RUNX2: variants seen among roughly 807,000 people sequenced by gnomAD.
RUNX2 encodes RUNX family transcription factor 2, also known as runt-related transcription factor 2.
RUNX2 carries 10 observed loss-of-function variants against 51.7 expected under a neutral mutation model. The ratio of observed to expected loss-of-function variants is 0.19; its 90% CI spans 0.12 to 0.33. RUNX2 has a LOEUF of 0.33. Among genes scored for constraint, RUNX2 ranks in the 10% least tolerant of loss-of-function variants. RUNX2 has a pLI of 1.00. For missense variants in RUNX2, 562 were observed against 691.3 expected (o/e 0.81, Z 2.10); for synonymous variants, 276 against 273.6 (o/e 1.01, Z -0.09).
At chr6:45,535,735 C>T (rs908852240) in intron 7 of RUNX2, among the ~76,000 whole-genome samples, 6 of 151,740 alleles carry the variant, frequency 4.0e-5, no homozygotes, top group Non-Finnish European at 5.9e-5. Flanking sequence ...ACTGTGAGGT[C>T]GATTTTAAAG....
At chr6:45,473,175 T>G (rs934466000) in intron 5 of RUNX2, among the ~76,000 whole-genome samples, 2 of 152,242 alleles carry the variant, frequency 1.3e-5, no homozygotes, top group African/African-American at 4.8e-5. Flanking sequence ...TATTTTCCTA[T>G]TCTCTTGATT....
At chr6:45,516,765 G>A (rs181181669) in intron 7 of RUNX2, among the ~76,000 whole-genome samples, 11 of 152,218 alleles carry the variant, frequency 7.2e-5, no homozygotes, top group Non-Finnish European at 1.0e-4. Flanking sequence ...AAGCACTTGT[G>A]AGGCTTGACA....
At chr6:45,523,861 G>A (rs551425477) in intron 7 of RUNX2, among the ~76,000 whole-genome samples, 56 of 151,998 alleles carry the variant, frequency 3.7e-4, no homozygotes, top group Non-Finnish European at 7.5e-4. Flanking sequence ...GAACCCGGGA[G>A]GCGGAGGTTG....
At chr6:45,429,740 C>T (rs1798486362) in intron 3 of RUNX2, among the ~76,000 whole-genome samples, 1 of 152,120 alleles carries the variant, frequency 6.6e-6, no homozygotes, top group East Asian at 1.9e-4. Flanking sequence ...AGTGGGTAGC[C>T]CCACAGACTT....
chr6:45,386,746 C>T (rs886731574), intron 2 of RUNX2, among the ~76,000 whole-genome samples: 2 of 152,028 alleles, frequency 1.3e-5, no homozygotes, highest in Non-Finnish European at 2.9e-5. Flanking sequence ...CAGAGGGAGC[C>T]GTATTAGCAA....
At chr6:45,477,396 G>C (rs958920268) in intron 5 of RUNX2, among the ~76,000 whole-genome samples, 1 of 152,010 alleles carries the variant, frequency 6.6e-6, no homozygotes, top group East Asian at 1.9e-4. Context: ...TTGCTTCCTG[G>C]GTGTCTGCAC....
intron 5 of RUNX2, among the ~76,000 whole-genome samples, chr6:45,454,849 C>T (rs749263698): frequency 6.6e-6 from 1 of 152,198 alleles, no homozygotes; most frequent in Non-Finnish European, 1.5e-5. Context: ...CATGCTGGCT[C>T]ATGCCTGTAA....
At chr6:45,535,015 G>A (rs1801986445) in intron 7 of RUNX2, among the ~76,000 whole-genome samples, 1 of 152,118 alleles carries the variant, frequency 6.6e-6, no homozygotes, top group Non-Finnish European at 1.5e-5. Context: ...ACCGCTGCAT[G>A]TTCTTATACG....
intron 2 of RUNX2, among the ~76,000 whole-genome samples, chr6:45,376,761 C>T (rs1563054371): frequency 6.6e-6 from 1 of 152,238 alleles, no homozygotes; most frequent in Non-Finnish European, 1.5e-5. Flanking sequence ...TTTTGTCCTT[C>T]AAGTAAATCT....
At chr6:45,478,857 A>G (rs1800031840) in intron 5 of RUNX2, among the ~76,000 whole-genome samples, 1 of 152,108 alleles carries the variant, frequency 6.6e-6, no homozygotes, top group Non-Finnish European at 1.5e-5. Flanking sequence ...GCAGTCATCA[A>G]TTCCATAGGA....
intron 2 of RUNX2, among the ~76,000 whole-genome samples, chr6:45,358,714 TAA>T (rs2150235367): frequency 6.6e-6 from 1 of 152,290 alleles, no homozygotes; most frequent in African/African-American, 2.4e-5. Context: ...TTGCAGAATA[TAA>T]AGTTTTCAGA....
At chr6:45,540,332 G>A (rs1195114363) in intron 7 of RUNX2, among the ~76,000 whole-genome samples, 1 of 152,152 alleles carries the variant, frequency 6.6e-6, no homozygotes, top group Admixed American at 6.5e-5. Flanking sequence ...GCAGTAAGTG[G>A]AAGAATTTCC....
chr6:45,546,654 A>C (rs939693639), intron 8 of RUNX2, among the ~76,000 whole-genome samples, 173 bp from the exon 9 acceptor site: 13 of 152,178 alleles, frequency 8.5e-5, no homozygotes, highest in African/African-American at 3.1e-4. Context: ...TTAAGACTGC[A>C]AAGTGGGGGA....
chr6:45,540,848 A>G (rs1291724336), intron 7 of RUNX2, among the ~76,000 whole-genome samples: 1 of 152,158 alleles, frequency 6.6e-6, no homozygotes, highest in African/African-American at 2.4e-5. Flanking sequence ...CTGGGAGTGA[A>G]GAGGAAATAA....
chr6:45,333,822 C>A (rs1788003836), intron 2 of RUNX2, among the ~76,000 whole-genome samples: 1 of 151,060 alleles, frequency 6.6e-6, no homozygotes, highest in Non-Finnish European at 1.5e-5. Context: ...ACTCATAAAT[C>A]CAATATACAC....
chr6:45,444,699 C>A (rs1162604555), intron 5 of RUNX2, among the ~76,000 whole-genome samples: 2 of 152,142 alleles, frequency 1.3e-5, no homozygotes, highest in East Asian at 3.9e-4. Context: ...AGTTTTATTT[C>A]TCTGTATTTT....
chr6:45,464,883 G>A (rs903370918), intron 5 of RUNX2, among the ~76,000 whole-genome samples: 2 of 152,226 alleles, frequency 1.3e-5, no homozygotes, highest in African/African-American at 4.8e-5. Flanking sequence ...TTGATGCACA[G>A]TGGGATTGTG....
chr6:45,470,043 G>A (rs530888549), intron 5 of RUNX2, among the ~76,000 whole-genome samples: 2 of 152,288 alleles, frequency 1.3e-5, no homozygotes, highest in African/African-American at 4.8e-5. Context: ...CACTGGAAAA[G>A]TAGATATTTT....
chr6:45,331,921 GT>G (rs1158249636), intron 2 of RUNX2, among the ~76,000 whole-genome samples: 2 of 151,918 alleles, frequency 1.3e-5, no homozygotes, highest in African/African-American at 4.8e-5. Flanking sequence ...AAATGTTCCA[GT>G]TTGTTAAAAG....
Sources: allele counts gnomAD v4.1 joint callset (sites outside exome capture counted in the v4.1 genomes callset), GRCh38; gene constraint gnomAD v4.1.1; transcripts MANE v1.5; gene names NCBI Gene and HGNC (gene_info 2026-07-23, HGNC 2026-07-21).